The following RAPGEF6 variants were observed in gnomAD, a reference collection of about 807,000 sequenced individuals.
RAPGEF6 encodes the protein Rap guanine nucleotide exchange factor 6.
Under a neutral mutation model 171.4 loss-of-function variants are expected in RAPGEF6, and 56 were observed. That is an observed-to-expected ratio of 0.33 (90% CI 0.26 to 0.41). The LOEUF (loss-of-function observed/expected upper bound fraction) is 0.41. Ranked by LOEUF, RAPGEF6 falls within the 10% of genes least tolerant of loss-of-function variation. The pLI, the probability that RAPGEF6 is intolerant of heterozygous loss-of-function variation, is 1.00. For missense variants in RAPGEF6, 1,674 were observed against 1,921.4 expected, an observed-to-expected ratio of 0.87 and a Z score of 2.41; for synonymous variants, 692 against 650.1, an observed-to-expected ratio of 1.06 and a Z score of -0.98.
intron 4 of RAPGEF6, among the ~76,000 whole-genome samples, chr5:131,570,003 C>T (rs1178915080): frequency 8.3e-6 from 1 of 119,832 alleles, no homozygotes; most frequent in African/African-American, 3.1e-5. Flanking sequence ...GATCACACCA[C>T]TGTACTCCAA....
chr5:131,521,974 C>A (rs774866129), intron 6 of RAPGEF6, among the ~76,000 whole-genome samples: 1 of 151,236 alleles, frequency 6.6e-6, no homozygotes, highest in Non-Finnish European at 1.5e-5. Context: ...AATAAAACAG[C>A]AATATCTTGG....
At chr5:131,443,297 C>A (rs924780741) in intron 22 of RAPGEF6, among the ~76,000 whole-genome samples, 2 of 152,048 alleles carry the variant, frequency 1.3e-5, no homozygotes, top group Admixed American at 6.6e-5. Context: ...AGGCTGGTCT[C>A]GAACTCTTGA....
intron 1 of RAPGEF6, among the ~76,000 whole-genome samples, chr5:131,633,848 C>G (rs1293676892): frequency 6.6e-6 from 1 of 152,212 alleles, no homozygotes; most frequent in African/African-American, 2.4e-5. Flanking sequence ...TACTGAAATT[C>G]ATAAATCAGC....
At chr5:131,524,896 G>C (rs1399443645) in intron 6 of RAPGEF6, among the ~76,000 whole-genome samples, 2 of 152,138 alleles carry the variant, frequency 1.3e-5, no homozygotes, top group Admixed American at 1.3e-4. Context: ...GATTACAGGC[G>C]TAAGCCACCT....
intron 15 of RAPGEF6, among the ~76,000 whole-genome samples, chr5:131,488,501 C>T (rs929168895): frequency 4.6e-5 from 7 of 151,948 alleles, no homozygotes; most frequent in South Asian, 2.1e-4. Flanking sequence ...AGATATTAGT[C>T]GAAACTCCAG....
intron 7 of RAPGEF6, among the ~76,000 whole-genome samples, chr5:131,516,111 C>T (rs1462532379): frequency 9.9e-6 from 1 of 101,178 alleles, no homozygotes; most frequent in Admixed American, 1.6e-4. Context: ...TTTTCTGTGA[C>T]GGAGTCTTTC....
intron 15 of RAPGEF6, among the ~76,000 whole-genome samples, chr5:131,485,197 G>A (rs924753239): frequency 4.6e-5 from 7 of 152,184 alleles, no homozygotes; most frequent in African/African-American, 1.7e-4. Flanking sequence ...AAATTGCTAG[G>A]ATTACAGGCA....
At chr5:131,583,521 T>A (rs1356148311) in intron 4 of RAPGEF6, among the ~76,000 whole-genome samples, 2 of 152,186 alleles carry the variant, frequency 1.3e-5, no homozygotes, top group Non-Finnish European at 1.5e-5. Flanking sequence ...GATTCCAAAT[T>A]TTCGACAGAG....
intron 7 of RAPGEF6, among the ~76,000 whole-genome samples, chr5:131,511,616 C>T (rs1016164338): frequency 2.0e-5 from 3 of 151,436 alleles, no homozygotes; most frequent in East Asian, 1.9e-4. Context: ...CTCTCCTGAA[C>T]GCCCTGAATA....
chr5:131,504,814 T>G, intron 10 of RAPGEF6, 36 bp from the exon 11 acceptor site: 2 of 1,572,582 alleles, frequency 1.3e-6, no homozygotes, highest in Non-Finnish European at 1.7e-6. Flanking sequence ...TTAATGAACC[T>G]ATAGTACATA....
chr5:131,541,442 G>C (rs868543806), intron 6 of RAPGEF6, among the ~76,000 whole-genome samples: 14 of 152,012 alleles, frequency 9.2e-5, no homozygotes, highest in Non-Finnish European at 1.9e-4. Context: ...CCAGAAAGCT[G>C]AAAGATAAAC....
At chr5:131,530,888 G>A (rs1362973055) in intron 6 of RAPGEF6, among the ~76,000 whole-genome samples, 1 of 151,988 alleles carries the variant, frequency 6.6e-6, no homozygotes, top group Non-Finnish European at 1.5e-5. Context: ...CTTTCTACAA[G>A]TGGTTTAAAC....
chr5:131,554,557 T>C (rs891893364), intron 5 of RAPGEF6, among the ~76,000 whole-genome samples: 2 of 152,244 alleles, frequency 1.3e-5, no homozygotes, highest in Non-Finnish European at 2.9e-5. Context: ...TCTCACCCTG[T>C]TGCCCAGGCT....
At chr5:131,633,645 C>G (rs1004677621) in intron 1 of RAPGEF6, among the ~76,000 whole-genome samples, 1 of 151,634 alleles carries the variant, frequency 6.6e-6, no homozygotes, top group African/African-American at 2.4e-5. Context: ...GCAGAAAAAT[C>G]GCTTGAACCC....
At chr5:131,539,475 T>A (rs1561546366) in intron 6 of RAPGEF6, among the ~76,000 whole-genome samples, 1 of 152,200 alleles carries the variant, frequency 6.6e-6, no homozygotes, top group Non-Finnish European at 1.5e-5. Context: ...TGAAGAGAAC[T>A]AAGCAATCAC....
In RAPGEF6 at chr5:131,598,132, A is replaced by T. The variant is rs1245187872; in HGVS notation, c.197+5139T>A. On this transcript the variant is annotated intron_variant, in intron 3 of 27. Coordinates refer to ENST00000509018, the MANE Select transcript of RAPGEF6 (RefSeq NM_016340.6). ...AACAGATGATGGATTCAACCAAAGA[A>T]CTGGTATCTATGAAACAGAAATGAA... Among the ~76,000 whole-genome samples, 4 of 152,212 alleles carry T rather than the reference A, an allele frequency of 2.6e-5. No homozygotes were observed. The East Asian group carries it at 5.8e-4, about 22-fold the overall frequency.
At chr5:131,581,238 C>T (rs990781686) in intron 4 of RAPGEF6, among the ~76,000 whole-genome samples, 3 of 152,174 alleles carry the variant, frequency 2.0e-5, no homozygotes, top group East Asian at 3.8e-4. Context: ...GTTGTTTTTA[C>T]TTAAATTAAT....
chr5:131,606,029 C>CAAAAAAAAAAAAAA (rs1168486376), intron 1 of RAPGEF6, among the ~76,000 whole-genome samples: 3 of 70,584 alleles, frequency 4.3e-5, no homozygotes, highest in African/African-American at 2.6e-4. Context: ...GACTCCATCT[C>CAAAAAAAAAAAAAA]AAAAAAAAAA....
chr5:131,622,027 A>G (rs1218093834), intron 1 of RAPGEF6, among the ~76,000 whole-genome samples: 1 of 152,226 alleles, frequency 6.6e-6, no homozygotes, highest in Non-Finnish European at 1.5e-5. Context: ...TCCCTGGCAC[A>G]TGAAACAGTG....
Sources: gnomAD v4.1 joint callset for allele counts (sites outside exome capture counted in the v4.1 genomes callset) on GRCh38, gnomAD v4.1.1 for gene constraint, MANE v1.5 for transcripts, NCBI Gene and HGNC (gene_info 2026-07-23, HGNC 2026-07-21) for gene names.